BMP2K: variants seen among roughly 807,000 people sequenced by gnomAD.
BMP2K encodes the protein BMP2 inducible kinase, also known as BMP-2-inducible protein kinase.
In BMP2K, 74 loss-of-function variants were observed where a neutral mutation model predicts 116.0. The ratio of observed to expected loss-of-function variants is 0.64; its 90% CI spans 0.53 to 0.77. BMP2K has a LOEUF of 0.77. BMP2K is among the 30% of genes least tolerant of loss of function. The probability of loss-of-function intolerance (pLI) is 0.00; values close to 1 mark genes in which losing one functional copy is unlikely to be tolerated. For missense variants in BMP2K, 1,365 were observed against 1,403.6 expected, an observed-to-expected ratio of 0.97 and a Z score of 0.44; for synonymous variants, 486 against 502.5, an observed-to-expected ratio of 0.97 and a Z score of 0.44.
chr4:78,839,381 C>T (rs961848605), intron 3 of BMP2K, among the ~76,000 whole-genome samples: 9 of 152,164 alleles, frequency 5.9e-5, no homozygotes, highest in African/African-American at 2.2e-4. Flanking sequence ...AGGACACTGA[C>T]GCTTTTACCT....
Position 78,910,505 on chromosome 4 carries a change from C to T in BMP2K, c.2063-105C>T, listed in dbSNP as rs1206717142. ...CATTATTTTTTCCTCTAAGGGAACTCGTATGAGGGATTTGTAATGCCATGT... is the reference window on the plus strand; with the variant it reads ...CATTATTTTTTCCTCTAAGGGAACTTGTATGAGGGATTTGTAATGCCATGT... On this transcript the variant is annotated intron_variant, in intron 15 of 15. Transcript: ENST00000502613. 15 of 956,742 alleles carry T rather than the reference C, an allele frequency of 1.6e-5. No homozygotes were observed. The East Asian group carries it at 2.2e-4, about 14-fold the overall frequency. The allele number at this position is 956,742 out of a possible 1,614,324, so 59.3% of individuals were successfully genotyped here.
At position 78,909,372 on chromosome 4, in the gene BMP2K, T is replaced by TTA. The variant is rs1553922367; in HGVS notation, c.2063-1238_2063-1237insTA. 8.7e-4 allele frequency among the ~76,000 whole-genome samples: 132 copies of TTA among 151,764 alleles called. 1 individual carries two copies. The highest frequency in any genetic ancestry group is 2.6e-3 in the Admixed American group (40 of 15,244). ...TTTCTATAGAGCAGTCATTTTTTTT[T>TTA]ATGTAAACCTAATCATGACACCTAT... On this transcript the variant is annotated intron_variant, in intron 15 of 15. Coordinates refer to ENST00000502613, the MANE Select transcript of BMP2K (RefSeq NM_198892.2).
intron 1 of BMP2K, among the ~76,000 whole-genome samples, chr4:78,824,073 A>C (rs1047535933): frequency 2.6e-5 from 4 of 152,186 alleles, no homozygotes; most frequent in Non-Finnish European, 5.9e-5. Context: ...TACGTAAAGT[A>C]CCTTTCCCAA....
chr4:78,851,306 A>G (rs1329169792), intron 7 of BMP2K, among the ~76,000 whole-genome samples: 1 of 152,112 alleles, frequency 6.6e-6, no homozygotes, highest in African/African-American at 2.4e-5. Context: ...GGATAATGTC[A>G]GAAGGGCTAG....
At chr4:78,830,077 A>G (rs1471615702) in intron 2 of BMP2K, among the ~76,000 whole-genome samples, 1 of 151,868 alleles carries the variant, frequency 6.6e-6, no homozygotes, top group African/African-American at 2.4e-5. Flanking sequence ...GGGTTTCACC[A>G]TGTTGCCCAG....
intron 1 of BMP2K, among the ~76,000 whole-genome samples, chr4:78,790,148 T>A (rs1230254689): frequency 6.6e-6 from 1 of 152,180 alleles, no homozygotes; most frequent in Non-Finnish European, 1.5e-5. Flanking sequence ...AAAAATGACA[T>A]GACATTACTT....
At chr4:78,824,605 C>A (rs1729783509) in intron 1 of BMP2K, among the ~76,000 whole-genome samples, 1 of 152,156 alleles carries the variant, frequency 6.6e-6, no homozygotes, top group African/African-American at 2.4e-5. Context: ...TCAGTGGGGA[C>A]ACAGCCAAAT....
chr4:78,878,496 A>C (rs1400292374), intron 13 of BMP2K, among the ~76,000 whole-genome samples: 6 of 152,146 alleles, frequency 3.9e-5, no homozygotes, highest in African/African-American at 1.4e-4. Context: ...GAACTTGCCC[A>C]AGGGTACACA....
intron 1 of BMP2K, among the ~76,000 whole-genome samples, chr4:78,782,883 C>A (rs1199467512): frequency 6.6e-6 from 1 of 151,998 alleles, no homozygotes; most frequent in Non-Finnish European, 1.5e-5. Context: ...TACTCAGCAC[C>A]CTTTTTTGTT....
chr4:78,852,408 A>G (rs1295604687), intron 7 of BMP2K, among the ~76,000 whole-genome samples: 2 of 152,112 alleles, frequency 1.3e-5, no homozygotes, highest in East Asian at 1.9e-4. Flanking sequence ...AGGTTGAAAA[A>G]ACATAAAAGC....
intron 10 of BMP2K, among the ~76,000 whole-genome samples, chr4:78,867,394 T>C (rs1297862578): frequency 6.6e-6 from 1 of 152,138 alleles, no homozygotes; most frequent in Non-Finnish European, 1.5e-5. Context: ...CCTTGTCTAA[T>C]GTTGTATGAG....
chr4:78,854,489 G>A (rs1168725302), intron 7 of BMP2K, among the ~76,000 whole-genome samples: 1 of 152,002 alleles, frequency 6.6e-6, no homozygotes, highest in Non-Finnish European at 1.5e-5. Flanking sequence ...GGTCAGGCTG[G>A]TCTTGAACTT....
Position 78,859,697 on chromosome 4 carries a change from T to C in BMP2K, c.987+10T>C. 6.6e-7 allele frequency: 1 copy of C among 1,508,724 alleles called. No individual in the cohort carries two copies. 93.5% of individuals were successfully genotyped at this position (1,508,724 alleles called of 1,614,324 possible). ...AGTCTCCAACATCAATGTAAGTAGA[T>C]TTTCAAGTAGGATATGAATTTAAAA... On this transcript the variant is annotated intron_variant, in intron 8 of 15. Transcript: ENST00000502613.
chr4:78,859,952 C>A, intron 8 of BMP2K: 1 of 549,274 alleles, frequency 1.8e-6, no homozygotes, highest in Non-Finnish European at 3.3e-6. Flanking sequence ...ATCTTTCTGA[C>A]TTAGCACAAA....
chr4:78,848,823 T>C (rs999514971), intron 6 of BMP2K, among the ~76,000 whole-genome samples: 15 of 151,214 alleles, frequency 9.9e-5, no homozygotes, highest in Non-Finnish European at 2.1e-4. Flanking sequence ...AAAAGAAACA[T>C]AATTAGAGAA....
intron 1 of BMP2K, among the ~76,000 whole-genome samples, chr4:78,779,995 T>C (rs1450526808): frequency 6.6e-6 from 1 of 152,180 alleles, no homozygotes; most frequent in Non-Finnish European, 1.5e-5. Flanking sequence ...GAGAGCGGTA[T>C]GTTGGTTTTA....
At chr4:78,791,746 T>G (rs1227624304) in intron 1 of BMP2K, among the ~76,000 whole-genome samples, 1 of 152,226 alleles carries the variant, frequency 6.6e-6, no homozygotes, top group Non-Finnish European at 1.5e-5. Flanking sequence ...AAAAATGCCT[T>G]TAAGGTATTC....
intron 9 of BMP2K, among the ~76,000 whole-genome samples, chr4:78,864,651 C>G (rs1217623304): frequency 1.3e-5 from 2 of 151,774 alleles, no homozygotes; most frequent in Non-Finnish European, 2.9e-5. Context: ...GATCTGTGCA[C>G]TTGTTGATAG....
intron 1 of BMP2K, among the ~76,000 whole-genome samples, chr4:78,813,025 C>T (rs1421604162): frequency 2.6e-5 from 4 of 151,408 alleles, no homozygotes; most frequent in Non-Finnish European, 5.9e-5. Flanking sequence ...GCCTGGGCAA[C>T]AGAGTGAGAC....
Sources: gnomAD v4.1 joint callset for allele counts (sites outside exome capture counted in the v4.1 genomes callset) on GRCh38, gnomAD v4.1.1 for gene constraint, MANE v1.5 for transcripts, NCBI Gene and HGNC (gene_info 2026-07-23, HGNC 2026-07-21) for gene names.